ADAMTS6: variants seen among roughly 807,000 people sequenced by gnomAD.
ADAMTS6 encodes the protein A disintegrin and metalloproteinase with thrombospondin motifs 6.
A neutral mutation model predicts 144.3 loss-of-function variants in ADAMTS6; 23 were observed. The ratio of observed to expected loss-of-function variants is 0.16; its 90% confidence interval spans 0.11 to 0.23. ADAMTS6 has a LOEUF of 0.23. ADAMTS6 is among the 10% of genes least tolerant of loss of function. ADAMTS6 has a pLI of 1.00. For synonymous variants in ADAMTS6, 444 were observed against 457.5 expected, an observed-to-expected ratio of 0.97 and a Z score of 0.38; for missense variants, 999 against 1,379.6, an observed-to-expected ratio of 0.72 and a Z score of 4.37.
At chr5:65,273,867 T>G (rs1327224346) in intron 11 of ADAMTS6, among the ~76,000 whole-genome samples, 1 of 152,190 alleles carries the variant, frequency 6.6e-6, no homozygotes, top group Non-Finnish European at 1.5e-5. Flanking sequence ...TACCATAATA[T>G]TCAAATGAAG....
intron 11 of ADAMTS6, among the ~76,000 whole-genome samples, chr5:65,275,127 G>C (rs2112665846): frequency 6.6e-6 from 1 of 150,660 alleles, no homozygotes; most frequent in South Asian, 2.1e-4. Context: ...GGTCGAGGTG[G>C]GAAGATCGCT....
intron 21 of ADAMTS6, among the ~76,000 whole-genome samples, chr5:65,190,145 T>C (rs1344324610): frequency 6.6e-6 from 1 of 152,236 alleles, no homozygotes; most frequent in Admixed American, 6.5e-5. Flanking sequence ...AACCAGCATT[T>C]AGAAATATAG....
chr5:65,354,460 T>C (rs1460930335), intron 7 of ADAMTS6, among the ~76,000 whole-genome samples: 1 of 151,866 alleles, frequency 6.6e-6, no homozygotes, highest in African/African-American at 2.4e-5. Flanking sequence ...ATATAAGCTG[T>C]GCATTCATGT....
chr5:65,352,514 C>T (rs1313746568), intron 7 of ADAMTS6, among the ~76,000 whole-genome samples: 4 of 151,518 alleles, frequency 2.6e-5, no homozygotes, highest in East Asian at 1.9e-4. Context: ...TATAATACTT[C>T]GGTAAAAAAA....
chr5:65,468,148 A>T (rs1760167627), intron 3 of ADAMTS6, among the ~76,000 whole-genome samples: 1 of 152,202 alleles, frequency 6.6e-6, no homozygotes, highest in Non-Finnish European at 1.5e-5. Flanking sequence ...CTATAATGTT[A>T]GGAATTTTGT....
chr5:65,229,293 T>C (rs1339486231), intron 15 of ADAMTS6, among the ~76,000 whole-genome samples: 1 of 152,122 alleles, frequency 6.6e-6, no homozygotes, highest in Non-Finnish European at 1.5e-5. Context: ...CCTCAGAATC[T>C]TTAACTGGGC....
chr5:65,401,464 C>T (rs2150164561), intron 7 of ADAMTS6, among the ~76,000 whole-genome samples: 1 of 152,288 alleles, frequency 6.6e-6, no homozygotes, highest in Admixed American at 6.5e-5. Flanking sequence ...CCTTCTGCTG[C>T]TGGGAACACA....
In ADAMTS6 at chr5:65,149,973, T is replaced by C. The variant is rs1389694059; in HGVS notation, c.*1863A>G. On this transcript the variant is annotated 3_prime_UTR_variant, in exon 25 of 25. Coordinates refer to ENST00000381055, the MANE Select transcript of ADAMTS6 (RefSeq NM_197941.4). ...CTGTGGTGTTGAGAGAGAAAGCAGGTAACAAGATACAGATGGTCATGACTG... is the reference window on the plus strand; with the variant it reads ...CTGTGGTGTTGAGAGAGAAAGCAGGCAACAAGATACAGATGGTCATGACTG... 1.3e-5 allele frequency: 2 copies of C among 152,388 alleles called. No homozygotes were observed. Among genetic ancestry groups the C allele is most frequent in the Non-Finnish European group, 2.9e-5 (2 of 68,038 alleles). The allele number at this position is 152,388 out of a possible 1,614,324, so 9.4% of individuals were successfully genotyped here.
chr5:65,420,509 G>A (rs1049683782), intron 7 of ADAMTS6, among the ~76,000 whole-genome samples: 6 of 152,014 alleles, frequency 3.9e-5, no homozygotes, highest in East Asian at 1.9e-4. Flanking sequence ...AGCCTCACGA[G>A]TAGCCTGGGT....
intron 9 of ADAMTS6, among the ~76,000 whole-genome samples, chr5:65,323,892 G>GT (rs935596105): frequency 6.6e-6 from 1 of 152,120 alleles, no homozygotes; most frequent in African/African-American, 2.4e-5. Context: ...TTTTTCATGT[G>GT]TTTTTTGGCT....
intron 7 of ADAMTS6, among the ~76,000 whole-genome samples, chr5:65,406,094 A>C (rs1279436255): frequency 6.6e-6 from 1 of 152,236 alleles, no homozygotes; most frequent in Non-Finnish European, 1.5e-5. Context: ...ATCTGCAAAA[A>C]GGGACAATTT....
intron 7 of ADAMTS6, among the ~76,000 whole-genome samples, chr5:65,369,939 A>AT (rs900693391): frequency 4.3e-4 from 65 of 151,082 alleles, no homozygotes; most frequent in African/African-American, 1.3e-3. Flanking sequence ...TAGGGAAGTT[A>AT]TTTTTTTTTC....
intron 7 of ADAMTS6, among the ~76,000 whole-genome samples, chr5:65,429,635 C>T (rs1561534263): frequency 6.6e-6 from 1 of 152,114 alleles, no homozygotes; most frequent in Non-Finnish European, 1.5e-5. Flanking sequence ...CCTTTCTCCC[C>T]TATGTTTTGT....
At chr5:65,302,624 G>C (rs767324888) in intron 9 of ADAMTS6, among the ~76,000 whole-genome samples, 3 of 151,926 alleles carry the variant, frequency 2.0e-5, no homozygotes, top group Non-Finnish European at 4.4e-5. Flanking sequence ...TGAAGGTGAA[G>C]TTTCAAGTGT....
chr5:65,280,136 C>T (rs1315897442), intron 11 of ADAMTS6, among the ~76,000 whole-genome samples: 1 of 152,086 alleles, frequency 6.6e-6, no homozygotes, highest in Non-Finnish European at 1.5e-5. Context: ...CATTTTTTGC[C>T]TCATTAAAGC....
intron 3 of ADAMTS6, among the ~76,000 whole-genome samples, chr5:65,461,267 GT>G (rs1759622969): frequency 6.6e-6 from 1 of 152,138 alleles, no homozygotes. Flanking sequence ...ACACTGCTTT[GT>G]TACATCTCAA....
intron 4 of ADAMTS6, among the ~76,000 whole-genome samples, chr5:65,454,023 C>G (rs1259326961): frequency 6.6e-6 from 1 of 152,188 alleles, no homozygotes; most frequent in Non-Finnish European, 1.5e-5. Context: ...AGTCTCCACC[C>G]TCATGAAGGA....
chr5:65,264,342 C>T lies in ADAMTS6; in HGVS notation c.1621-1380G>A, dbSNP rs114159196. On this transcript the variant is annotated intron_variant, in intron 12 of 24. Transcript: ENST00000381055. ...TTACTCCAGACACATTGGATTTCCA[C>T]CTTCATACACTAATCTTGTTCCTCC... Among the ~76,000 whole-genome samples the T allele has an allele frequency of 2.0e-3, 312 of 152,250 alleles. 2 individuals are homozygous for T. The highest frequency in any genetic ancestry group is 7.2e-3 in the African/African-American group (299 of 41,566).
intron 7 of ADAMTS6, among the ~76,000 whole-genome samples, chr5:65,364,101 G>A (rs946070000): frequency 2.6e-5 from 4 of 152,206 alleles, no homozygotes; most frequent in African/African-American, 7.2e-5. Flanking sequence ...CTGGCCAAAC[G>A]CAGTTCATCC....
Sources: allele counts gnomAD v4.1 joint callset (sites outside exome capture counted in the v4.1 genomes callset), GRCh38; gene constraint gnomAD v4.1.1; transcripts MANE v1.5; gene names NCBI Gene and HGNC (gene_info 2026-07-23, HGNC 2026-07-21).